MUC6: variants seen among roughly 807,000 people sequenced by gnomAD.
The protein encoded by MUC6 is mucin-6.
Under a neutral mutation model 201.5 loss-of-function variants are expected in MUC6, and 188 were observed. That is an observed-to-expected ratio of 0.93 (90% CI 0.83 to 1.05). The LOEUF is 1.05. Among genes scored for constraint, MUC6 ranks in the 50% least tolerant of loss-of-function variants. The pLI is 0.00. For synonymous variants in MUC6, 1,228 were observed against 1,389.4 expected, an observed-to-expected ratio of 0.88 and a Z score of 2.58; for missense variants, 2,706 against 3,256.9, an observed-to-expected ratio of 0.83 and a Z score of 4.12.
chr11:1,023,999 T>G lies in MUC6; in HGVS notation c.3330A>C (p.Gln1110His), dbSNP rs1370252937. Residue 1110 changes from glutamine to histidine, a missense_variant, in exon 25 of 33, where the codon CAA (glutamine) becomes CAC (histidine). Physicochemically the swap from Gln to His is conservative, Grantham distance 24. Transcript: ENST00000421673. ...CLCDAVAAYAQACLDKGVCVD... is the reference protein window; with the variant it reads ...CLCDAVAAYAHACLDKGVCVD... ...CGCACACACCCTTGTCCAGACAGGC[T>G]TGGGCGTAGGCAGCCACGGCATCGC... 1.9e-6 allele frequency: 3 copies of G among 1,612,534 alleles called. No individual in the cohort carries two copies. The highest frequency in any genetic ancestry group is 1.7e-5 in the Admixed American group (1 of 59,952).
intron 24 of MUC6, among the ~76,000 whole-genome samples, chr11:1,024,330 G>A (rs1360577522): frequency 2.0e-5 from 3 of 152,208 alleles, no homozygotes; most frequent in Admixed American, 6.5e-5. Flanking sequence ...ACCCGCCATC[G>A]GGACCAAGAT....
intron 7 of MUC6, 35 bp from the exon 8 acceptor site, chr11:1,030,370 A>ACCCCCCCCCCCCCCCCCTCCCC: frequency 1.0e-6 from 1 of 992,838 alleles, no homozygotes; most frequent in Non-Finnish European, 1.3e-6. Flanking sequence ...AGAGGGTCCC[A>ACCCCCCCCCCCCCCCCCTCCCC]CCCCCCCCAC....
At chr11:1,022,922 GTGAA>G (rs1483815693) in intron 26 of MUC6, among the ~76,000 whole-genome samples, 13 of 151,786 alleles carry the variant, frequency 8.6e-5, no homozygotes, top group East Asian at 1.9e-4. Context: ...ATGTGCATGA[GTGAA>G]TGTGCGTGAG....
rs377699351 is a variant in MUC6, at chr11:1,016,180, G to T, written c.6621C>A (p.Thr2207=). ...TAGTGTGGGGGAGAGTGGCCCTAAT[G>T]GTAGTAGAGGCAGCTGGAGAAGAAG... ...LFPSSPAAST[T]IRATLPHTIS... The change falls in exon 31 of 33, where the codon ACC becomes ACA. Residue 2207 remains threonine (T), a synonymous_variant. Transcript: ENST00000421673. 3.7e-6 allele frequency: 6 copies of T among 1,613,300 alleles called. No homozygotes were observed. Among genetic ancestry groups the T allele is most frequent in the Non-Finnish European group, 5.1e-6 (6 of 1,179,736 alleles).
Position 1,026,108 on chromosome 11 carries a change from C to T in MUC6, c.2580G>A (p.Gln860=). Residue 860 remains glutamine (Q), a synonymous_variant, in exon 21 of 33, where the codon CAG becomes CAA. Transcript: ENST00000421673. The part of the protein sequence containing the change: ...SCSRGRWACQ[Q]GTHCPSTCTL... ...TGCAGGTGGATGGGCAGTGGGTGCC[C>T]TGCTGACAGGCCCACCTCCCCCTTG... 4 of 1,600,242 alleles carry T rather than the reference C, an allele frequency of 2.5e-6. No individual in the cohort carries two copies. Among genetic ancestry groups the T allele is most frequent in the Non-Finnish European group, 2.6e-6 (3 of 1,174,354 alleles).
rs1408285997 is a variant in MUC6, at chr11:1,030,733, G to C, written c.732C>G (p.Ser244Arg). 6.5e-6 allele frequency: 10 copies of C among 1,542,860 alleles called. No homozygotes were observed. The highest frequency in any genetic ancestry group is 8.7e-6 in the Non-Finnish European group (10 of 1,147,740). Residue 244 changes from serine (S) to arginine (R), a missense_variant, in exon 7 of 33, where the codon AGC becomes AGG. Physicochemically the swap from Ser to Arg is moderately radical, Grantham distance 110. Around this residue, in one of 10 missense-constraint regions of MUC6, gnomAD observed 1,850 missense variants for 1,958.3 expected, o/e 0.94. Coordinates refer to ENST00000421673, the MANE Select transcript of MUC6 (RefSeq NM_005961.3). ...TTAGCACGAAGGGCTCCTTGGACAC[G>C]CTGCACTCAGGGGCCACCAGGGTCA... ...QLLTLVAPEC[S>R]VSKEPFVLSC... is the part of the protein sequence containing the mutation.
chr11:1,030,630 G>T lies in MUC6; in HGVS notation c.835C>A (p.Arg279Ser), dbSNP rs1857078939. ...SSCATLSEYSRQCSMVGQPVR... is the reference protein window; with the variant it reads ...SSCATLSEYSSQCSMVGQPVR... Reference sequence around the variant, plus strand: ...GGCTGGCCCACCATGCTGCACTGGCGGGAGTACTCCGACAGGGTGGCACAA... The same window carrying T: ...GGCTGGCCCACCATGCTGCACTGGCTGGAGTACTCCGACAGGGTGGCACAA... Residue 279 changes from arginine (R) to serine (S), a missense_variant, in exon 7 of 33, where the codon CGC (arginine) becomes AGC (serine). By Grantham distance (110) the Arg-to-Ser change is moderately radical. Transcript: ENST00000421673. The T allele has an allele frequency of 1.3e-6, 2 of 1,541,424 alleles. No individual in the cohort carries two copies. Among genetic ancestry groups the T allele is most frequent in the Non-Finnish European group, 8.7e-7 (1 of 1,144,940 alleles).
intron 22 of MUC6, among the ~76,000 whole-genome samples, chr11:1,025,584 C>G (rs1268043020): frequency 6.6e-6 from 1 of 152,172 alleles, no homozygotes; most frequent in African/African-American, 2.4e-5. Flanking sequence ...CTCCCCTCTG[C>G]CCGGGAGACA....
At chr11:1,036,515 A>T in intron 1 of MUC6, 89 bp downstream of exon 1, 2 of 1,425,516 alleles carry the variant, frequency 1.4e-6, no homozygotes, top group Non-Finnish European at 1.9e-6. Context: ...GGGCCAGCCG[A>T]GTTGTCGAGG....
intron 19 of MUC6, 72 bp from the exon 20 acceptor site, chr11:1,026,550 T>A: frequency 7.7e-6 from 11 of 1,427,204 alleles, no homozygotes; most frequent in Non-Finnish European, 1.0e-5. Flanking sequence ...TGGGCCCCTC[T>A]GAGACTGCCC....
chr11:1,033,270 A>C lies in MUC6; in HGVS notation c.53-195T>G. ...TCCCATGCTGTCCTTCACGAGCCCCAGCTTCCTTCCCTGCTCTCGTTCACT... is the reference window on the plus strand; with the variant it reads ...TCCCATGCTGTCCTTCACGAGCCCCCGCTTCCTTCCCTGCTCTCGTTCACT... On this transcript the variant is annotated intron_variant, in intron 1 of 32. Transcript: ENST00000421673. This position sits in a 1 kb window ranked among gnomAD's most constrained non-coding sequence, Gnocchi z 5.6. 1.7e-6 allele frequency: 1 copy of C among 599,590 alleles called. No individual in the cohort carries two copies. Among genetic ancestry groups the C allele is most frequent in the Non-Finnish European group, 3.0e-6 (1 of 330,952 alleles). 37.1% of individuals were successfully genotyped at this position (599,590 alleles called of 1,614,324 possible). A position where few individuals can be genotyped will look rare whatever the true frequency, so the allele number is the denominator to read the frequency against.
At chr11:1,014,835 G>T (rs12805419) in intron 31 of MUC6, among the ~76,000 whole-genome samples, 12,336 of 152,118 alleles carry the variant, frequency 0.081, 535 homozygotes, top group Middle Eastern at 0.15. Flanking sequence ...AGGCCCTGCC[G>T]TCCCCAGCTG....
chr11:1,020,120 T>C lies in MUC6; in HGVS notation c.3778A>G (p.Thr1260Ala), dbSNP rs946456335. Residue 1260 changes from threonine (T) to alanine (A), a missense_variant, in exon 29 of 33, where the codon ACA (threonine) becomes GCA (alanine). Thr to Ala is a moderately conservative substitution (Grantham distance 58, BLOSUM62 0). Around this residue, in one of 10 missense-constraint regions of MUC6, gnomAD observed 1,850 missense variants for 1,958.3 expected, o/e 0.94. Coordinates refer to ENST00000421673, the MANE Select transcript of MUC6 (RefSeq NM_005961.3). ...TQTPLLPATL[T>A]SSKPTASSGE... is the part of the protein sequence containing the mutation. ...GAGGAGGCTGTGGGCTTGGAGGATG[T>C]GAGCGTGGCTGGAAGGAGGGGTGTC... 4 of 1,613,046 alleles carry C rather than the reference T, an allele frequency of 2.5e-6. No individual in the cohort carries two copies. The Admixed American group carries it at 5.0e-5, about 20-fold the overall frequency.
At position 1,020,078 on chromosome 11, in the gene MUC6, G is replaced by A. The variant is rs373042902; in HGVS notation, c.3808+12C>T. The stretch of plus-strand genomic sequence containing the variant: ...GCTGCCCTCTCCATGGGCTCAGCTG[G>A]AGGCTCCTTACCTCCCGAGGAGGCT... On this transcript the variant is annotated intron_variant, in intron 29 of 32. Transcript: ENST00000421673. The A allele has an allele frequency of 1.2e-4, 199 of 1,612,964 alleles. No individual in the cohort carries two copies. The African/African-American group carries it at 2.0e-3, about 16-fold the overall frequency.
intron 31 of MUC6, among the ~76,000 whole-genome samples, chr11:1,015,037 A>G (rs1856570302): frequency 6.6e-6 from 1 of 152,226 alleles, no homozygotes; most frequent in African/African-American, 2.4e-5. Context: ...GTGGAGGTCG[A>G]TGCATGCGAG....
At chr11:1,028,564 C>T (rs1857022432) in intron 13 of MUC6, 82 bp downstream of exon 13, 1 of 1,560,928 alleles carries the variant, frequency 6.4e-7, no homozygotes, top group African/African-American at 1.4e-5. Context: ...GTGAACCTCT[C>T]TTGGACCTTT....
In MUC6 at chr11:1,029,853, A is replaced by G. The variant is rs551572592; in HGVS notation, c.1016-238T>C. Among the ~76,000 whole-genome samples, 301 of 152,328 alleles carry G rather than the reference A, an allele frequency of 2.0e-3. 1 individual carries two copies. The highest frequency in any genetic ancestry group is 7.0e-3 in the African/African-American group (291 of 41,588). Reference sequence around the variant, plus strand: ...TCTATGTCAGGCCCTGGGCGTGCACAGCCCCTCGTGCCAATGTGCCCGGCC... The same window carrying G: ...TCTATGTCAGGCCCTGGGCGTGCACGGCCCCTCGTGCCAATGTGCCCGGCC... On this transcript the variant is annotated intron_variant, in intron 8 of 32. Coordinates refer to ENST00000421673, the MANE Select transcript of MUC6 (RefSeq NM_005961.3).
intron 8 of MUC6, 110 bp from the exon 9 acceptor site, chr11:1,029,725 C>CT (rs1857056597): frequency 7.1e-7 from 1 of 1,407,192 alleles, no homozygotes; most frequent in African/African-American, 1.5e-5. Context: ...GAGACGCCCC[C>CT]TCCAGCCTGG....
chr11:1,019,189 T>C, intron 30 of MUC6, 86 bp downstream of exon 30: 1 of 1,437,554 alleles, frequency 7.0e-7, no homozygotes, highest in Non-Finnish European at 9.6e-7. Flanking sequence ...TACGGGGTCT[T>C]CTTTATGGCT....
Sources: gnomAD v4.1 joint callset for allele counts (sites outside exome capture counted in the v4.1 genomes callset) on GRCh38, gnomAD v4.1.1 for gene constraint, gnomAD v4.1.1 regional missense constraint, Gnocchi (gnomAD v3.1) non-coding constraint, MANE v1.5 for transcripts, NCBI Gene and HGNC (gene_info 2026-07-23, HGNC 2026-07-21) for gene names.